WWOX: variants seen among roughly 807,000 people sequenced by gnomAD.
WWOX encodes WW domain-containing oxidoreductase.
In WWOX, 69 loss-of-function variants were observed where a neutral mutation model predicts 46.2. The ratio of observed to expected loss-of-function variants is 1.49; its 90% CI spans 1.23 to 1.82. The LOEUF is 1.82. WWOX is among the 40% of genes most tolerant of loss of function. The pLI is 0.00. For missense variants in WWOX, 919 were observed against 542.6 expected (o/e 1.69, Z -6.89); for synonymous variants, 359 against 202.6 (o/e 1.77, Z -6.56).
rs377595221 is a variant in WWOX at position 78,143,753 on chromosome 16, T to TTG, written c.410-20429_410-20428insGT. Among the ~76,000 whole-genome samples, 15 of 29,594 alleles carry TTG rather than the reference T, an allele frequency of 5.1e-4. No homozygotes were observed. In the East Asian group the frequency reaches 0.013, roughly 25 times the overall value. The allele number at this position is 29,594 out of a possible 152,430, so 19.4% of individuals were successfully genotyped here. ...TCATTCCTCTAAAAGAATTGGTATGTTTTTTTTTTTTTTTTTTTGGTGGTG... is the reference window on the plus strand; with the variant it reads ...TCATTCCTCTAAAAGAATTGGTATGTTGTTTTTTTTTTTTTTTTTTGGTGGTG... On this transcript the variant is annotated intron_variant, in intron 4 of 8. Transcript: ENST00000566780.
At chr16:78,152,774 G>C (rs2034462825) in intron 4 of WWOX, among the ~76,000 whole-genome samples, 1 of 152,242 alleles carries the variant, frequency 6.6e-6, no homozygotes, top group Non-Finnish European at 1.5e-5. Context: ...AGTCAACTGG[G>C]ATTTATTGTA....
chr16:78,423,738 C>T (rs750609457), intron 6 of WWOX, among the ~76,000 whole-genome samples: 20 of 150,924 alleles, frequency 1.3e-4, no homozygotes, highest in South Asian at 1.3e-3. Context: ...CCCAGTTACT[C>T]GGGAGGCTAA....
intron 8 of WWOX, among the ~76,000 whole-genome samples, chr16:78,510,129 G>A (rs1294114355): frequency 6.6e-6 from 1 of 152,064 alleles, no homozygotes; most frequent in Non-Finnish European, 1.5e-5. Context: ...CAGTGTATTA[G>A]TAAAGAAGTT....
At chr16:79,154,151 T>C (rs972412573) in intron 8 of WWOX, among the ~76,000 whole-genome samples, 2 of 152,186 alleles carry the variant, frequency 1.3e-5, no homozygotes, top group African/African-American at 4.8e-5. Flanking sequence ...CTAAATGGTA[T>C]GAAAAATAGG....
At chr16:78,617,985 G>C (rs976980634) in intron 8 of WWOX, among the ~76,000 whole-genome samples, 1 of 152,174 alleles carries the variant, frequency 6.6e-6, no homozygotes, top group Non-Finnish European at 1.5e-5. Context: ...TATGAATAAT[G>C]TTAACAATTA....
At chr16:78,716,838 A>T (rs774326066) in intron 8 of WWOX, among the ~76,000 whole-genome samples, 10 of 152,150 alleles carry the variant, frequency 6.6e-5, no homozygotes, top group Non-Finnish European at 1.5e-4. Flanking sequence ...TCCCTACGCA[A>T]CCACAGCTGT....
At chr16:78,126,161 A>C (rs1296541202) in intron 4 of WWOX, among the ~76,000 whole-genome samples, 2 of 152,200 alleles carry the variant, frequency 1.3e-5, no homozygotes, top group Non-Finnish European at 2.9e-5. Context: ...AGTGTGGTAC[A>C]TTCGGGTGGT....
At chr16:78,546,092 C>A (rs969870442) in intron 8 of WWOX, among the ~76,000 whole-genome samples, 6 of 152,152 alleles carry the variant, frequency 3.9e-5, no homozygotes, top group African/African-American at 1.2e-4. Context: ...GGTCCCTACC[C>A]TCTGTCAGTT....
chr16:78,878,740 A>G lies in WWOX; in HGVS notation c.1057-332868A>G, dbSNP rs547797183. 2.0e-5 allele frequency among the ~76,000 whole-genome samples: 3 copies of G among 152,038 alleles called. No individual in the cohort carries two copies. In the East Asian group the frequency reaches 5.8e-4, roughly 30 times the overall value. On this transcript the variant is annotated intron_variant, in intron 8 of 8. Transcript: ENST00000566780. ...CAGTAGTCTGGCTTCTATCCTGACAATGTTAGTGAAGTTGCTTGCTTGAAA... is the reference window on the plus strand; with the variant it reads ...CAGTAGTCTGGCTTCTATCCTGACAGTGTTAGTGAAGTTGCTTGCTTGAAA...
chr16:78,816,941 T>C (rs367607185), intron 8 of WWOX, among the ~76,000 whole-genome samples: 5 of 152,128 alleles, frequency 3.3e-5, no homozygotes, highest in Admixed American at 3.3e-4. Context: ...TAAGTTATTA[T>C]TAGACAGAAA....
chr16:78,901,057 C>T (rs2044819871), intron 8 of WWOX, among the ~76,000 whole-genome samples: 1 of 152,180 alleles, frequency 6.6e-6, no homozygotes, highest in Admixed American at 6.5e-5. Flanking sequence ...AGACCCAACC[C>T]TTGTATCAGA....
At position 78,366,969 on chromosome 16, in the gene WWOX, A is replaced by ATT. The variant is rs544239767; in HGVS notation, c.517-19864_517-19863dup. Among the ~76,000 whole-genome samples the ATT allele has an allele frequency of 9.1e-3, 678 of 74,222 alleles. 56 individuals are homozygous for ATT. Among genetic ancestry groups the ATT allele is most frequent in the Admixed American group, 0.058 (312 of 5,352 alleles). 48.7% of individuals were successfully genotyped at this position (74,222 alleles called of 152,430 possible). A position where few individuals can be genotyped will look rare whatever the true frequency, so the allele number is the denominator to read the frequency against. ...TTTTTTTTTGTATCACAAAAGTTACATTTTTTTTTTTTTTTTTTTTTTTTT... is the reference window on the plus strand; with the variant it reads ...TTTTTTTTTGTATCACAAAAGTTACATTTTTTTTTTTTTTTTTTTTTTTTTTT... On this transcript the variant is annotated intron_variant, in intron 5 of 8. Coordinates refer to ENST00000566780, the MANE Select transcript of WWOX (RefSeq NM_016373.4).
chr16:78,863,951 A>G (rs555146085), intron 8 of WWOX, among the ~76,000 whole-genome samples: 30 of 152,214 alleles, frequency 2.0e-4, no homozygotes, highest in Non-Finnish European at 3.1e-4. Context: ...GTGGCTGAAT[A>G]TCATTGCATT....
At chr16:78,917,613 C>T (rs1042059291) in intron 8 of WWOX, among the ~76,000 whole-genome samples, 1 of 152,082 alleles carries the variant, frequency 6.6e-6, no homozygotes, top group Non-Finnish European at 1.5e-5. Flanking sequence ...AGCTGCAGCC[C>T]TTCTACTTGA....
At chr16:78,558,049 A>G (rs1184707458) in intron 8 of WWOX, among the ~76,000 whole-genome samples, 1 of 151,866 alleles carries the variant, frequency 6.6e-6, no homozygotes, top group Non-Finnish European at 1.5e-5. Flanking sequence ...CTCAGTGAGC[A>G]TTTGTTGACT....
chr16:79,132,451 G>A (rs543571799), intron 8 of WWOX, among the ~76,000 whole-genome samples: 7 of 152,204 alleles, frequency 4.6e-5, no homozygotes, highest in South Asian at 2.1e-4. Context: ...ATAGTGTTTC[G>A]TGATTAAAAT....
At chr16:78,986,498 T>C (rs1016984659) in intron 8 of WWOX, among the ~76,000 whole-genome samples, 1 of 152,190 alleles carries the variant, frequency 6.6e-6, no homozygotes, top group African/African-American at 2.4e-5. Context: ...TTTTAGTGGA[T>C]TTTCTTTTTA....
At chr16:78,385,539 C>T (rs1567541021) in intron 5 of WWOX, among the ~76,000 whole-genome samples, 1 of 152,124 alleles carries the variant, frequency 6.6e-6, no homozygotes, top group Non-Finnish European at 1.5e-5. Flanking sequence ...GCTGTCACTG[C>T]CTGATGTTTA....
intron 8 of WWOX, among the ~76,000 whole-genome samples, chr16:78,655,319 C>T (rs1445153233): frequency 6.6e-6 from 1 of 152,172 alleles, no homozygotes; most frequent in Non-Finnish European, 1.5e-5. Context: ...TGCTACCGAG[C>T]AGTGCCTGTC....
Sources: allele counts gnomAD v4.1 joint callset (sites outside exome capture counted in the v4.1 genomes callset), GRCh38; gene constraint gnomAD v4.1.1; transcripts MANE v1.5; gene names NCBI Gene and HGNC (gene_info 2026-07-23, HGNC 2026-07-21).